Variants in CDH23 observed in about 807,000 individuals in gnomAD.
CDH23 encodes the protein cadherin related 23, also known as cadherin-23.
CDH23 carries 189 observed loss-of-function variants against 317.1 expected under a neutral mutation model. That is an observed-to-expected ratio of 0.60 (90% CI 0.53 to 0.67). The LOEUF (loss-of-function observed/expected upper bound fraction) is 0.67. CDH23 is among the 30% of genes least tolerant of loss of function. The probability of loss-of-function intolerance (pLI) is 0.00; values close to 1 mark genes in which losing one functional copy is unlikely to be tolerated. For synonymous variants in CDH23, 1,839 were observed against 1,876.8 expected (o/e 0.98, Z 0.52); for missense variants, 4,401 against 4,592.4 (o/e 0.96, Z 1.20).
intron 9 of CDH23, among the ~76,000 whole-genome samples, chr10:71,612,372 C>G (rs1860955976): frequency 6.6e-6 from 1 of 151,756 alleles, no homozygotes; most frequent in African/African-American, 2.4e-5. Context: ...GGGACAGATG[C>G]CGGGTTTGGA....
intron 1 of CDH23, among the ~76,000 whole-genome samples, chr10:71,407,593 A>T (rs1013122579): frequency 6.6e-6 from 1 of 151,568 alleles, no homozygotes; most frequent in East Asian, 1.9e-4. Context: ...TTTAACCCCA[A>T]CCCCACACCT....
intron 8 of CDH23, among the ~76,000 whole-genome samples, chr10:71,572,249 C>A (rs997279850): frequency 1.8e-4 from 28 of 152,316 alleles, no homozygotes; most frequent in African/African-American, 6.0e-4. Flanking sequence ...TCAGCACAGC[C>A]CAGCCCATTT....
chr10:71,523,339 A>G (rs558622333), intron 6 of CDH23, among the ~76,000 whole-genome samples: 1 of 152,288 alleles, frequency 6.6e-6, no homozygotes, highest in Non-Finnish European at 1.5e-5. Context: ...GAGAAGAATA[A>G]TAAATTCTTC....
chr10:71,805,757 T>G (rs1296266403), intron 55 of CDH23, 49 bp from the exon 56 acceptor site: 888 of 1,504,386 alleles, frequency 5.9e-4, no homozygotes, highest in Non-Finnish European at 7.3e-4. Flanking sequence ...ACCTAGGAGC[T>G]GAGATTCTTT....
At chr10:71,524,414 G>A (rs1012497051) in intron 6 of CDH23, among the ~76,000 whole-genome samples, 43 of 152,178 alleles carry the variant, frequency 2.8e-4, no homozygotes, top group African/African-American at 9.9e-4. Context: ...TCAGAAGTGC[G>A]GTTCGAGCTC....
intron 1 of CDH23, among the ~76,000 whole-genome samples, chr10:71,410,898 C>A (rs1848319041): frequency 1.3e-5 from 2 of 152,164 alleles, no homozygotes; most frequent in African/African-American, 4.8e-5. Context: ...TGGCGGGTTG[C>A]TTTTATTCTT....
chr10:71,407,431 C>T (rs1564561663), intron 1 of CDH23, among the ~76,000 whole-genome samples: 1 of 152,220 alleles, frequency 6.6e-6, no homozygotes, highest in Non-Finnish European at 1.5e-5. Context: ...GGGATTTAAA[C>T]ATCCATGGGA....
intron 1 of CDH23, among the ~76,000 whole-genome samples, chr10:71,432,424 GGTGA>G (rs1310013653): frequency 1.2e-4 from 16 of 136,422 alleles, no homozygotes; most frequent in African/African-American, 1.9e-4. Context: ...TGAGTGTGTG[GGTGA>G]GTGTGTGTTT....
intron 18 of CDH23, among the ~76,000 whole-genome samples, chr10:71,685,919 G>T (rs1273838994): frequency 1.3e-5 from 2 of 152,094 alleles, no homozygotes; most frequent in Admixed American, 1.3e-4. Flanking sequence ...CTCCCAATTG[G>T]AATTTAAAAA....
At chr10:71,779,220 A>G (rs1347156557) in intron 40 of CDH23, 47 bp from the exon 41 acceptor site, 1 of 1,585,426 alleles carries the variant, frequency 6.3e-7, no homozygotes, top group Non-Finnish European at 8.7e-7. Context: ...GGCCCAGCAC[A>G]AAGCTGGCTG....
In CDH23 at chr10:71,553,021, T is replaced by A. The variant is rs1856682696; in HGVS notation, c.430-13721T>A. Among the ~76,000 whole-genome samples the A allele has an allele frequency of 1.3e-5, 2 of 152,130 alleles. 1 individual carries two copies. The highest frequency in any genetic ancestry group is 4.1e-4 in the South Asian group (2 of 4,820). Reference sequence around the variant, plus strand: ...CAGCTTTTTCATCTGTAAGACAGGGTTCCTGGGCTAGGGCAGTGCTTCCCC... The same window carrying A: ...CAGCTTTTTCATCTGTAAGACAGGGATCCTGGGCTAGGGCAGTGCTTCCCC... On this transcript the variant is annotated intron_variant, in intron 6 of 69. Transcript: ENST00000224721.
At chr10:71,579,185 G>C (rs1368290780) in intron 9 of CDH23, among the ~76,000 whole-genome samples, 1 of 152,270 alleles carries the variant, frequency 6.6e-6, no homozygotes, top group South Asian at 2.1e-4. Context: ...GGAAGCTAGG[G>C]GTTAGCTAGT....
In CDH23 at chr10:71,397,897, A is replaced by G. The variant is rs1200372681; in HGVS notation, c.-6+579A>G. Among the ~76,000 whole-genome samples the G allele has an allele frequency of 1.3e-5, 2 of 152,166 alleles. No individual in the cohort carries two copies. The highest frequency in any genetic ancestry group is 4.8e-5 in the African/African-American group (2 of 41,456). On this transcript the variant is annotated intron_variant, in intron 1 of 69. Coordinates refer to ENST00000224721, the MANE Select transcript of CDH23 (RefSeq NM_022124.6). This position sits in a 1 kb window ranked among gnomAD's most constrained non-coding sequence, Gnocchi z 4.8. ...TTACACATCCTCCCAAATTCGGTCC[A>G]GCTATGGGAAGACGCGCCCCTCGAG...
chr10:71,790,975 G>T (rs774222399), intron 46 of CDH23, among the ~76,000 whole-genome samples, 157 bp from the exon 47 acceptor site: 2 of 152,320 alleles, frequency 1.3e-5, no homozygotes, highest in African/African-American at 2.4e-5. Context: ...TTGAGCCTGT[G>T]GGGGAGAAAG....
intron 11 of CDH23, among the ~76,000 whole-genome samples, chr10:71,640,592 A>G (rs1862494812): frequency 6.6e-6 from 1 of 152,172 alleles, no homozygotes; most frequent in Non-Finnish European, 1.5e-5. Context: ...TACTAAAAAT[A>G]CAAAAATTCC....
chr10:71,594,622 G>T (rs536736173), intron 9 of CDH23, among the ~76,000 whole-genome samples: 6 of 152,152 alleles, frequency 3.9e-5, no homozygotes, highest in Admixed American at 3.3e-4. Flanking sequence ...GTCTCTGCCC[G>T]CCTTGGCCTC....
At chr10:71,495,827 A>AGGAAGGAAGGAAGGAAGGAAGGAAG (rs1564615543) in intron 3 of CDH23, among the ~76,000 whole-genome samples, 47 of 146,226 alleles carry the variant, frequency 3.2e-4, no homozygotes, top group African/African-American at 1.2e-3. Context: ...AAAAAAAGAA[A>AGGAAGGAAGGAAGGAAGGAAGGAAG]GAAAGAAAGA....
At chr10:71,763,218 G>A (rs894982575) in intron 38 of CDH23, among the ~76,000 whole-genome samples, 2 of 152,176 alleles carry the variant, frequency 1.3e-5, no homozygotes, top group Non-Finnish European at 2.9e-5. Context: ...CTGTTGCCCA[G>A]GCTGACCTTG....
At chr10:71,522,401 T>C (rs899870872) in intron 6 of CDH23, among the ~76,000 whole-genome samples, 4 of 152,126 alleles carry the variant, frequency 2.6e-5, no homozygotes, top group African/African-American at 9.7e-5. Context: ...TCCATTCCAG[T>C]GGGTTTCTGT....
Sources: gnomAD v4.1 joint callset for allele counts (sites outside exome capture counted in the v4.1 genomes callset) on GRCh38, gnomAD v4.1.1 for gene constraint, Gnocchi (gnomAD v3.1) non-coding constraint, MANE v1.5 for transcripts, NCBI Gene and HGNC (gene_info 2026-07-23, HGNC 2026-07-21) for gene names.